Variants in CHRM2 observed in about 807,000 individuals in gnomAD.
CHRM2 encodes muscarinic acetylcholine receptor M2.
Under a neutral mutation model 25.0 loss-of-function variants are expected in CHRM2, and 8 were observed. That is an observed-to-expected ratio of 0.32 (90% confidence interval 0.19 to 0.58). The LOEUF is 0.58. CHRM2 is among the 20% of genes least tolerant of loss of function. The pLI, the probability that CHRM2 is intolerant of heterozygous loss-of-function variation, is 0.88. For missense variants in CHRM2, 440 were observed against 567.1 expected (o/e 0.78, Z 2.28); for synonymous variants, 202 against 205.7 (o/e 0.98, Z 0.15).
intron 2 of CHRM2, among the ~76,000 whole-genome samples, chr7:136,951,385 A>T (rs1800405618): frequency 6.6e-6 from 1 of 152,214 alleles, no homozygotes; most frequent in African/African-American, 2.4e-5. Flanking sequence ...TAAGATATAT[A>T]ATAGGCACTA....
chr7:136,872,570 C>T (rs1284088306), intron 2 of CHRM2, among the ~76,000 whole-genome samples: 1 of 152,168 alleles, frequency 6.6e-6, no homozygotes, highest in Admixed American at 6.5e-5. Context: ...AGCAGCCATT[C>T]CCCAGGGCCA....
At chr7:136,986,979 T>C (rs980833417) in intron 2 of CHRM2, among the ~76,000 whole-genome samples, 1 of 152,186 alleles carries the variant, frequency 6.6e-6, no homozygotes, top group African/African-American at 2.4e-5. Context: ...ACATCTCACC[T>C]TTTTGTACCA....
chr7:136,929,637 T>C (rs1798946525), intron 2 of CHRM2, among the ~76,000 whole-genome samples: 1 of 152,108 alleles, frequency 6.6e-6, no homozygotes, highest in South Asian at 2.1e-4. Flanking sequence ...AAGGACTTAG[T>C]GGATGGGTGA....
chr7:136,921,558 T>C (rs1377914024), intron 2 of CHRM2, among the ~76,000 whole-genome samples: 1 of 152,002 alleles, frequency 6.6e-6, no homozygotes, highest in Non-Finnish European at 1.5e-5. Context: ...GTATTGCTAG[T>C]TCCCTTCTTT....
At chr7:136,906,095 A>G (rs1797524010) in intron 2 of CHRM2, among the ~76,000 whole-genome samples, 1 of 150,908 alleles carries the variant, frequency 6.6e-6, no homozygotes, top group Non-Finnish European at 1.5e-5. Context: ...AAAATTTACA[A>G]TATGTATGTA....
intron 2 of CHRM2, among the ~76,000 whole-genome samples, chr7:136,925,865 A>G (rs1180048498): frequency 6.6e-6 from 1 of 152,062 alleles, no homozygotes; most frequent in Non-Finnish European, 1.5e-5. Flanking sequence ...TACACCTTCT[A>G]TTTGCCTCCT....
chr7:137,014,705 T>A, intron 3 of CHRM2, 115 bp from the exon 4 acceptor site: 1 of 711,696 alleles, frequency 1.4e-6, no homozygotes, highest in Non-Finnish European at 2.4e-6. Context: ...ACAGTAATCA[T>A]GCAGGGGAAG....
intron 2 of CHRM2, among the ~76,000 whole-genome samples, chr7:136,882,305 T>C (rs900285914): frequency 1.3e-5 from 2 of 152,154 alleles, no homozygotes; most frequent in South Asian, 4.1e-4. Flanking sequence ...CTTTTGATAT[T>C]CTCCGGTTTC....
chr7:136,953,746 A>T (rs932744413), intron 2 of CHRM2, among the ~76,000 whole-genome samples: 3 of 152,136 alleles, frequency 2.0e-5, no homozygotes, highest in Non-Finnish European at 2.9e-5. Flanking sequence ...AAAAAAAACA[A>T]ATATATTTCA....
intron 2 of CHRM2, chr7:136,914,215 C>T (rs1797987435): frequency 1.3e-5 from 2 of 151,892 alleles, no homozygotes; most frequent in Non-Finnish European, 2.9e-5. Flanking sequence ...ATTGATTACG[C>T]AATCACTGAA....
chr7:136,884,498 T>TG (rs1311649766), intron 2 of CHRM2, among the ~76,000 whole-genome samples: 3 of 149,972 alleles, frequency 2.0e-5, no homozygotes, highest in Non-Finnish European at 4.5e-5. Context: ...TTTTTTTTTT[T>TG]GGTTGTCTTT....
chr7:136,976,336 T>C (rs1388155601), intron 2 of CHRM2, among the ~76,000 whole-genome samples: 1 of 152,110 alleles, frequency 6.6e-6, no homozygotes, highest in Admixed American at 6.6e-5. Flanking sequence ...GGTGATAAAA[T>C]ATTAACATTA....
At chr7:137,000,180 A>G (rs1317221639) in intron 3 of CHRM2, among the ~76,000 whole-genome samples, 1 of 143,956 alleles carries the variant, frequency 6.9e-6, no homozygotes, top group Non-Finnish European at 1.5e-5. Context: ...TGTCTTTCAT[A>G]ATTCTTTTTC....
Position 137,015,390 on chromosome 7 carries a change from G to A in CHRM2, c.525G>A (p.Glu175=), listed in dbSNP as rs576281726. ...GGGTGAGAACTGTGGAGGATGGGGA[G>A]TGCTACATTCAGTTTTTTTCCAATG... The part of the protein sequence containing the change: ...IVGVRTVEDG[E]CYIQFFSNAA... The change falls in exon 4 of 4, where the codon GAG becomes GAA. Residue 175 remains glutamate, a synonymous_variant. Coordinates refer to ENST00000680005, the MANE Select transcript of CHRM2 (RefSeq NM_001006630.2). The surrounding 1 kb of genome is among the most constrained non-coding windows in gnomAD (Gnocchi z 5.1). The A allele has an allele frequency of 3.6e-5, 58 of 1,613,484 alleles. 1 individual carries two copies. In the South Asian group the frequency reaches 5.3e-4, roughly 15 times the overall value.
At chr7:136,995,674 G>A (rs1274174288) in intron 3 of CHRM2, among the ~76,000 whole-genome samples, 5 of 151,976 alleles carry the variant, frequency 3.3e-5, no homozygotes, top group Non-Finnish European at 7.4e-5. Context: ...TGAGGTGGGA[G>A]GATTGCATGG....
intron 2 of CHRM2, among the ~76,000 whole-genome samples, chr7:136,927,502 A>G (rs1798815416): frequency 1.3e-5 from 2 of 152,020 alleles, no homozygotes. Context: ...AGTTGACTAG[A>G]CCCTAGATAA....
At chr7:136,897,852 C>A (rs12707333) in intron 2 of CHRM2, among the ~76,000 whole-genome samples, 1 of 151,768 alleles carries the variant, frequency 6.6e-6, no homozygotes, top group Admixed American at 6.6e-5. Context: ...GATTTTTAGC[C>A]GTTTCTTAAA....
chr7:136,913,639 G>A (rs756321095), intron 2 of CHRM2, among the ~76,000 whole-genome samples: 4 of 151,750 alleles, frequency 2.6e-5, no homozygotes, highest in South Asian at 4.1e-4. Context: ...TTTTTGAGAC[G>A]AAGTCTCACT....
intron 3 of CHRM2, among the ~76,000 whole-genome samples, chr7:137,012,576 A>G (rs1259325979): frequency 1.3e-5 from 2 of 151,996 alleles, no homozygotes; most frequent in African/African-American, 2.4e-5. Flanking sequence ...TTCTAACTAT[A>G]TAACTTTCCA....
Sources: gnomAD v4.1 joint callset for allele counts (sites outside exome capture counted in the v4.1 genomes callset) on GRCh38, gnomAD v4.1.1 for gene constraint, Gnocchi (gnomAD v3.1) non-coding constraint, MANE v1.5 for transcripts, NCBI Gene and HGNC (gene_info 2026-07-23, HGNC 2026-07-21) for gene names.